ANO7: variants seen among roughly 807,000 people sequenced by gnomAD.
ANO7 encodes anoctamin-7.
In ANO7, 114 loss-of-function variants were observed where a neutral mutation model predicts 115.8. The ratio of observed to expected loss-of-function variants is 0.98; its 90% CI spans 0.85 to 1.15. The LOEUF (loss-of-function observed/expected upper bound fraction) is 1.15. Among genes scored for constraint, ANO7 ranks in the 50% most tolerant of loss-of-function variants. The pLI is 0.00. For synonymous variants in ANO7, 550 were observed against 498.2 expected, an observed-to-expected ratio of 1.10 and a Z score of -1.38; for missense variants, 1,302 against 1,201.2, an observed-to-expected ratio of 1.08 and a Z score of -1.24.
At chr2:241,236,604 T>C in the ANO7 span, 519,508 of 1,612,854 alleles carry the variant, frequency 0.32, 84,961 homozygotes, top group Non-Finnish European at 0.33. Context: ...GGGGGGCACA[T>C]GGACACATAC....
chr2:241,237,069 A>AACTAACTAC, the ANO7 span, among the ~76,000 whole-genome samples: 1 of 151,880 alleles, frequency 6.6e-6, no homozygotes, highest in African/African-American at 2.4e-5. Flanking sequence ...AGCTAACAGC[A>AACTAACTAC]ACTAACTACA....
downstream of ANO7, chr2:241,230,783 A>T (rs775670435): frequency 6.2e-7 from 1 of 1,614,182 alleles, no homozygotes; most frequent in Non-Finnish European, 8.5e-7. The surrounding 1 kb of genome is among the most constrained non-coding windows in gnomAD (Gnocchi z 5.0). Context: ...TGATTTTGCG[A>T]ATGGCTTTGC....
chr2:241,223,690 TG>T lies in ANO7; in HGVS notation c.2443del (p.Asp815ThrfsTer15). 1 of 1,613,912 alleles carries T rather than the reference TG, an allele frequency of 6.2e-7. No individual in the cohort carries two copies. Among genetic ancestry groups the T allele is most frequent in the Non-Finnish European group, 8.5e-7 (1 of 1,179,886 alleles). On this transcript the variant is annotated frameshift_variant, in exon 23 of 25. Coordinates refer to ENST00000674324, the MANE Select transcript of ANO7 (RefSeq NM_001370694.2). LOFTEE classifies it high-confidence loss of function. ...GTGGTTTTCTCCGTTGGCCGCCTCC[TG>T]GACCTCCTGGTGCCTGACATCCCAG... ...EHVVFSVGRL[L>X]DLLVPDIPES...
intron 19 of ANO7, 21 bp from the exon 20 acceptor site, chr2:241,217,665 G>A (rs775441311): frequency 5.1e-5 from 80 of 1,561,740 alleles, no homozygotes; most frequent in Non-Finnish European, 6.7e-5. Flanking sequence ...GGAGAGCCCG[G>A]CCGTGACCCC....
chr2:241,190,483 C>T (rs1002653501), intron 2 of ANO7, among the ~76,000 whole-genome samples: 1 of 152,146 alleles, frequency 6.6e-6, no homozygotes, highest in African/African-American at 2.4e-5. Flanking sequence ...TGGTGTCAGT[C>T]CCAGTCAGTG....
At chr2:241,219,853 A>G (rs2068968506) in intron 21 of ANO7, among the ~76,000 whole-genome samples, 1 of 151,666 alleles carries the variant, frequency 6.6e-6, no homozygotes, top group Non-Finnish European at 1.5e-5. Context: ...GATTACAGGC[A>G]CAAGCCACCA....
the ANO7 span, chr2:241,235,367 A>T: frequency 6.6e-7 from 1 of 1,521,520 alleles, no homozygotes; most frequent in Admixed American, 1.7e-5. Context: ...CGTGAAGGGA[A>T]GTCAGTGCCC....
chr2:241,239,499 T>A, the ANO7 span: 2,379 of 911,514 alleles, frequency 2.6e-3, 38 homozygotes, highest in East Asian at 0.025. The surrounding 1 kb of genome is among the most constrained non-coding windows in gnomAD (Gnocchi z 4.6). Context: ...CAGGGCTGTA[T>A]GAGGGAGTCA....
At chr2:241,207,180 T>A (rs28664733) in intron 10 of ANO7, among the ~76,000 whole-genome samples, 275 of 7,148 alleles carry the variant, frequency 0.038, no homozygotes, top group Middle Eastern at 0.056. Context: ...ACACAGGTGG[T>A]CAGGAGTGCT....
Position 241,217,739 on chromosome 2 carries a change from C to T in ANO7, c.2026C>T (p.Leu676Phe), listed in dbSNP as rs757503851. The change falls in exon 20 of 25, where the codon CTC (leucine) becomes TTC (phenylalanine). Residue 676 changes from leucine (L) to phenylalanine (F), a missense_variant. Coordinates refer to ENST00000674324, the MANE Select transcript of ANO7 (RefSeq NM_001370694.2). ...CGTGGCCGCCTGTCCGCTCGCGCCGCTCTTCGCCCTGCTCAACAACTGGGT... is the reference window on the plus strand; with the variant it reads ...CGTGGCCGCCTGTCCGCTCGCGCCGTTCTTCGCCCTGCTCAACAACTGGGT... ...IFVAACPLAP[L>F]FALLNNWVEI... 2.2e-5 allele frequency: 35 copies of T among 1,604,742 alleles called. No individual in the cohort carries two copies. The highest frequency in any genetic ancestry group is 2.8e-5 in the Non-Finnish European group (33 of 1,176,308).
At chr2:241,211,327 T>A (rs1349861995) in intron 15 of ANO7, among the ~76,000 whole-genome samples, 1 of 67,552 alleles carries the variant, frequency 1.5e-5, no homozygotes, top group Non-Finnish European at 2.9e-5. Context: ...TCCTCTCCCA[T>A]CGGTCTTTTT....
At chr2:241,218,998 T>G (rs576352641) in intron 21 of ANO7, among the ~76,000 whole-genome samples, 9 of 152,224 alleles carry the variant, frequency 5.9e-5, no homozygotes, top group African/African-American at 1.9e-4. Context: ...ATCTAGCTAT[T>G]TATCTTCTGT....
the ANO7 span, chr2:241,233,861 C>T: frequency 6.2e-7 from 1 of 1,614,234 alleles, no homozygotes; most frequent in South Asian, 1.1e-5. The surrounding 1 kb of genome is among the most constrained non-coding windows in gnomAD (Gnocchi z 4.3). Context: ...ATGTTCACGT[C>T]ATGCTCCAAC....
intron 21 of ANO7, among the ~76,000 whole-genome samples, chr2:241,221,960 C>T (rs898509713): frequency 2.0e-5 from 3 of 152,088 alleles, no homozygotes; most frequent in Non-Finnish European, 2.9e-5. Context: ...GATGGCCGGG[C>T]GCGGGGGCTC....
intron 14 of ANO7, 27 bp downstream of exon 14, chr2:241,210,420 G>T: frequency 6.2e-7 from 1 of 1,613,754 alleles, no homozygotes. Flanking sequence ...TGCCTCGGGG[G>T]GCCCTGAGCG....
rs1328851594 is a variant in ANO7, at chr2:241,195,771, A to G, written c.235A>G (p.Arg79Gly). 6.2e-7 allele frequency: 1 copy of G among 1,614,276 alleles called. No homozygotes were observed. The highest frequency in any genetic ancestry group is 1.7e-5 in the Admixed American group (1 of 60,030). ...DRQQDSAARD[R>G]TDMHRTWRET... ...GCAGCAGGACAGTGCCGCCCGGGAC[A>G]GAACAGACATGCACAGGACCTGGCG... The change falls in exon 4 of 25, where the codon AGA becomes GGA. Residue 79 changes from arginine to glycine, a missense_variant. Physicochemically the swap from Arg to Gly is moderately radical, Grantham distance 125 (BLOSUM62 -2). Coordinates refer to ENST00000674324, the MANE Select transcript of ANO7 (RefSeq NM_001370694.2).
chr2:241,227,054 G>A (rs1262145681), downstream of ANO7, among the ~76,000 whole-genome samples: 1 of 152,194 alleles, frequency 6.6e-6, no homozygotes, highest in African/African-American at 2.4e-5. Flanking sequence ...AGGGCTGCAG[G>A]GCAACTGCTG....
At chr2:241,230,058 A>T (rs1293337045), downstream of ANO7, 60 of 1,583,120 alleles carry the variant, frequency 3.8e-5, no homozygotes, top group Non-Finnish European at 5.2e-5. This position sits in a 1 kb window ranked among gnomAD's most constrained non-coding sequence, Gnocchi z 5.0. Flanking sequence ...CTCTGGAAAC[A>T]CAAGTGCCAC....
Position 241,208,177 on chromosome 2 carries a change from C to T in ANO7, c.1077+507C>T, listed in dbSNP as rs193285445. On this transcript the variant is annotated intron_variant, in intron 11 of 24. Coordinates refer to ENST00000674324, the MANE Select transcript of ANO7 (RefSeq NM_001370694.2). Reference sequence around the variant, plus strand: ...CATGCACTGGACCCAGAGCCCTTGGCACTACTGGTGGGCCAGACGCCGTTT... The same window carrying T: ...CATGCACTGGACCCAGAGCCCTTGGTACTACTGGTGGGCCAGACGCCGTTT... Among the ~76,000 whole-genome samples, 93 of 152,338 alleles carry T rather than the reference C, an allele frequency of 6.1e-4. 1 individual carries two copies. Among genetic ancestry groups the T allele is most frequent in the African/African-American group, 2.1e-3 (89 of 41,564 alleles).
Sources: allele counts gnomAD v4.1 joint callset (sites outside exome capture counted in the v4.1 genomes callset), GRCh38; gene constraint gnomAD v4.1.1; non-coding constraint Gnocchi (gnomAD v3.1); transcripts MANE v1.5; gene names NCBI Gene and HGNC (gene_info 2026-07-23, HGNC 2026-07-21).